MAML1: variants seen among roughly 807,000 people sequenced by gnomAD.
The protein encoded by MAML1 is mastermind-like protein 1.
A neutral mutation model predicts 77.1 loss-of-function variants in MAML1; 14 were observed. The ratio of observed to expected loss-of-function variants is 0.18; its 90% CI spans 0.12 to 0.28. The LOEUF is 0.28. MAML1 is among the 10% of genes least tolerant of loss of function. The pLI is 1.00. For synonymous variants in MAML1, 516 were observed against 551.9 expected, an observed-to-expected ratio of 0.93 and a Z score of 0.91; for missense variants, 1,217 against 1,327.8, an observed-to-expected ratio of 0.92 and a Z score of 1.30.
intron 1 of MAML1, among the ~76,000 whole-genome samples, chr5:179,734,506 C>T (rs1344362039): frequency 6.6e-6 from 1 of 152,230 alleles, no homozygotes; most frequent in Non-Finnish European, 1.5e-5. Context: ...CTCTTCCACA[C>T]TAGCCTCGAT....
At position 179,735,700 on chromosome 5, in the gene MAML1, T is replaced by C. The variant is rs536063670; in HGVS notation, c.315+2273T>C. 3.4e-4 allele frequency among the ~76,000 whole-genome samples: 52 copies of C among 151,126 alleles called. 1 individual carries two copies. In the South Asian group the frequency reaches 0.011, roughly 31 times the overall value. On this transcript the variant is annotated intron_variant, in intron 1 of 4. Transcript: ENST00000292599. ...GCCACTGCACCTAGCCTATTTATTT[T>C]TTTTTGAGACAGCGTCTCGCCCTGT...
At chr5:179,741,060 A>G (rs913816477) in intron 1 of MAML1, among the ~76,000 whole-genome samples, 8 of 152,192 alleles carry the variant, frequency 5.3e-5, no homozygotes, top group Non-Finnish European at 1.0e-4. Context: ...TTTCCAGGAT[A>G]TATTTCCCAC....
Position 179,765,624 on chromosome 5 carries a change from G to A in MAML1, c.614G>A (p.Ser205Asn), listed in dbSNP as rs1408899561. The A allele has an allele frequency of 6.2e-7, 1 of 1,614,214 alleles. No individual in the cohort carries two copies. The highest frequency in any genetic ancestry group is 1.7e-5 in the Admixed American group (1 of 60,018). ...SLHLNGGSNP[S>N]ESFPLSLNKE... is the part of the protein sequence containing the mutation. ...CACTTGAATGGAGGCAGTAACCCCAGTGAGTCATTTCCTCTGAGCCTGAAT... is the reference window on the plus strand; with the variant it reads ...CACTTGAATGGAGGCAGTAACCCCAATGAGTCATTTCCTCTGAGCCTGAAT... The change falls in exon 2 of 5, where the codon AGT becomes AAT. Residue 205 changes from serine to asparagine, a missense_variant. Ser to Asn is a conservative substitution (Grantham distance 46). Around this residue, in one of 3 missense-constraint regions of MAML1, gnomAD observed 312 missense variants for 331.4 expected, o/e 0.94. Coordinates refer to ENST00000292599, the MANE Select transcript of MAML1 (RefSeq NM_014757.5).
rs1371003202 is a variant in MAML1 at position 179,733,439 on chromosome 5, G to A, written c.315+12G>A. On this transcript the variant is annotated intron_variant, in intron 1 of 4. Transcript: ENST00000292599. ...GCCGCCCGGCCACGGTGAGTAGGGC[G>A]CGGGAAGGCGCTTGTCGTGGCGGCA... is the stretch of plus-strand genomic sequence containing the variant. 22 of 1,092,770 alleles carry A rather than the reference G, an allele frequency of 2.0e-5. No homozygotes were observed. The highest frequency in any genetic ancestry group is 2.4e-5 in the Non-Finnish European group (22 of 901,316). The allele number at this position is 1,092,770 out of a possible 1,614,324, so 67.7% of individuals were successfully genotyped here.
At chr5:179,772,280 G>C (rs145478391) in intron 4 of MAML1, among the ~76,000 whole-genome samples, 84 of 152,138 alleles carry the variant, frequency 5.5e-4, no homozygotes, top group African/African-American at 2.0e-3. Context: ...CACCACGCCC[G>C]GCTCATTTTT....
At chr5:179,768,785 T>C in intron 2 of MAML1, 65 bp from the exon 3 acceptor site, 1 of 1,577,928 alleles carries the variant, frequency 6.3e-7, no homozygotes, top group South Asian at 1.1e-5. Context: ...TTGAATTCAC[T>C]GGATGGAGCT....
At chr5:179,755,958 G>A (rs907103168) in intron 1 of MAML1, among the ~76,000 whole-genome samples, 56 of 151,160 alleles carry the variant, frequency 3.7e-4, no homozygotes, top group Non-Finnish European at 6.3e-4. Flanking sequence ...TAGAGAGAGG[G>A]TTTCACCATG....
intron 1 of MAML1, among the ~76,000 whole-genome samples, chr5:179,752,194 C>T (rs971850021): frequency 6.6e-5 from 10 of 150,564 alleles, no homozygotes; most frequent in African/African-American, 2.4e-4. Flanking sequence ...GGTGTGGTGG[C>T]GCACGCCTGT....
At position 179,774,538 on chromosome 5, in the gene MAML1, C is replaced by G; in HGVS notation, c.2712C>G (p.Pro904=). The part of the protein sequence containing the change: ...SSAAAVGSLL[P]PVSAQQRTSA... ...CAGCTGCCGTGGGGTCCTTGCTACC[C>G]CCAGTGAGTGCACAGCAGAGGACCA... Residue 904 remains proline, a synonymous_variant, in exon 5 of 5, where the codon CCC becomes CCG. Transcript: ENST00000292599. 3 of 1,613,054 alleles carry G rather than the reference C, an allele frequency of 1.9e-6. No individual in the cohort carries two copies. Among genetic ancestry groups the G allele is most frequent in the Middle Eastern group, 3.3e-4 (2 of 6,062 alleles).
At chr5:179,739,676 C>T (rs1779242520) in intron 1 of MAML1, among the ~76,000 whole-genome samples, 1 of 151,990 alleles carries the variant, frequency 6.6e-6, no homozygotes, top group African/African-American at 2.4e-5. Flanking sequence ...ACATCCAAAC[C>T]CTGCATCAAA....
chr5:179,754,308 A>G (rs1779569622), intron 1 of MAML1, among the ~76,000 whole-genome samples: 1 of 152,032 alleles, frequency 6.6e-6, no homozygotes, highest in Non-Finnish European at 1.5e-5. Flanking sequence ...TGAATATGAA[A>G]TTGAAGGCAG....
At chr5:179,735,063 T>A (rs1163703342) in intron 1 of MAML1, among the ~76,000 whole-genome samples, 1 of 152,128 alleles carries the variant, frequency 6.6e-6, no homozygotes, top group South Asian at 2.1e-4. Flanking sequence ...TTGGGAGATA[T>A]ACCTAATGCT....
chr5:179,763,541 T>TAGTC (rs1779758945), intron 1 of MAML1, among the ~76,000 whole-genome samples: 1 of 152,116 alleles, frequency 6.6e-6, no homozygotes. Flanking sequence ...GAGCACTGTG[T>TAGTC]AGTCAGCTTT....
At position 179,774,685 on chromosome 5, in the gene MAML1, G is replaced by A. The variant is rs754452753; in HGVS notation, c.2859G>A (p.Ala953=). ...CTGCCTCACAGATGGGCGGTCGGGCGGGGCTGCACTGCACCCAGGCCTACC... is the reference window on the plus strand; with the variant it reads ...CTGCCTCACAGATGGGCGGTCGGGCAGGGCTGCACTGCACCCAGGCCTACC... ...QSPASQMGGR[A]GLHCTQAYPV... is the part of the protein sequence containing the mutation. Residue 953 remains alanine, a synonymous_variant, in exon 5 of 5, where the codon GCG becomes GCA. Transcript: ENST00000292599. 30 of 1,609,836 alleles carry A rather than the reference G, an allele frequency of 1.9e-5. No individual in the cohort carries two copies. Among genetic ancestry groups the A allele is most frequent in the Non-Finnish European group, 2.5e-5 (29 of 1,179,710 alleles).
Position 179,765,643 on chromosome 5 carries a change from C to T in MAML1, c.633C>T (p.Ser211=), listed in dbSNP as rs776727858. The T allele has an allele frequency of 2.0e-5, 33 of 1,614,166 alleles. No homozygotes were observed. The highest frequency in any genetic ancestry group is 2.6e-5 in the Non-Finnish European group (31 of 1,180,044). Reference sequence around the variant, plus strand: ...ACCCCAGTGAGTCATTTCCTCTGAGCCTGAATAAAGAACTGAAGCAGGAGC... The same window carrying T: ...ACCCCAGTGAGTCATTTCCTCTGAGTCTGAATAAAGAACTGAAGCAGGAGC... The part of the protein sequence containing the change: ...GSNPSESFPL[S]LNKELKQEPV... Residue 211 remains serine, a synonymous_variant, in exon 2 of 5, where the codon AGC becomes AGT. Coordinates refer to ENST00000292599, the MANE Select transcript of MAML1 (RefSeq NM_014757.5).
At chr5:179,768,799 T>A (rs763884361) in intron 2 of MAML1, 51 bp from the exon 3 acceptor site, 5 of 1,599,008 alleles carry the variant, frequency 3.1e-6, no homozygotes, top group Non-Finnish European at 4.3e-6. Context: ...TGGAGCTTAT[T>A]TGGTCTGATC....
intron 1 of MAML1, among the ~76,000 whole-genome samples, chr5:179,744,272 C>G (rs991270591): frequency 6.6e-6 from 1 of 152,072 alleles, no homozygotes; most frequent in African/African-American, 2.4e-5. Flanking sequence ...GCAACCTCCA[C>G]TCCCCCGGGT....
chr5:179,774,188 G>A lies in MAML1; in HGVS notation c.2362G>A (p.Gly788Ser). 6.2e-7 allele frequency: 1 copy of A among 1,613,492 alleles called. No individual in the cohort carries two copies. ...HAHIPRQTNVGQNTSVSAAYG... is the reference protein window; with the variant it reads ...HAHIPRQTNVSQNTSVSAAYG... ...CCACATTCCACGGCAGACCAACGTGGGCCAGAACACCTCCGTCTCAGCTGC... is the reference window on the plus strand; with the variant it reads ...CCACATTCCACGGCAGACCAACGTGAGCCAGAACACCTCCGTCTCAGCTGC... The change falls in exon 5 of 5, where the codon GGC (glycine) becomes AGC (serine). Residue 788 changes from glycine to serine, a missense_variant. By Grantham distance (56) the Gly-to-Ser change is moderately conservative. Coordinates refer to ENST00000292599, the MANE Select transcript of MAML1 (RefSeq NM_014757.5).
At chr5:179,738,234 T>G (rs1202276447) in intron 1 of MAML1, among the ~76,000 whole-genome samples, 1 of 152,170 alleles carries the variant, frequency 6.6e-6, no homozygotes, top group Non-Finnish European at 1.5e-5. Context: ...CTCAGACTTT[T>G]ATTCTCTGAA....
Sources: gnomAD v4.1 joint callset for allele counts (sites outside exome capture counted in the v4.1 genomes callset) on GRCh38, gnomAD v4.1.1 for gene constraint, gnomAD v4.1.1 regional missense constraint, MANE v1.5 for transcripts, NCBI Gene and HGNC (gene_info 2026-07-23, HGNC 2026-07-21) for gene names.